CRYZL1: variants seen among roughly 807,000 people sequenced by gnomAD.
CRYZL1 encodes the protein crystallin zeta like 1, also known as ferry endosomal RAB5 effector complex subunit 4.
A neutral mutation model predicts 50.6 loss-of-function variants in CRYZL1; 34 were observed. The ratio of observed to expected loss-of-function variants is 0.67; its 90% confidence interval spans 0.51 to 0.89. The LOEUF is 0.89. Ranked by LOEUF, CRYZL1 falls within the 40% of genes least tolerant of loss-of-function variation. CRYZL1 has a pLI of 0.00. For missense variants in CRYZL1, 354 were observed against 402.3 expected, an observed-to-expected ratio of 0.88 and a Z score of 1.03; for synonymous variants, 125 against 134.3, an observed-to-expected ratio of 0.93 and a Z score of 0.48.
chr21:33,630,105 A>G (rs1053451571), intron 2 of CRYZL1, among the ~76,000 whole-genome samples: 4 of 152,194 alleles, frequency 2.6e-5, no homozygotes, highest in Admixed American at 6.6e-5. Flanking sequence ...GCCGTCAGGG[A>G]AATAGATATC....
intron 6 of CRYZL1, among the ~76,000 whole-genome samples, chr21:33,611,066 C>T (rs2086868502): frequency 6.6e-6 from 1 of 152,068 alleles, no homozygotes; most frequent in Non-Finnish European, 1.5e-5. Flanking sequence ...TCTTCTATAG[C>T]AATTTAGTTT....
At chr21:33,628,845 G>A (rs189461313) in intron 2 of CRYZL1, among the ~76,000 whole-genome samples, 1 of 152,082 alleles carries the variant, frequency 6.6e-6, no homozygotes, top group Non-Finnish European at 1.5e-5. Flanking sequence ...CTGGGCTCAA[G>A]TGATCTTCCA....
chr21:33,609,983 C>T (rs1355506974), intron 6 of CRYZL1, among the ~76,000 whole-genome samples: 2 of 150,572 alleles, frequency 1.3e-5, no homozygotes, highest in Non-Finnish European at 3.0e-5. Flanking sequence ...GGATTACAGG[C>T]GTGAGCCACC....
chr21:33,633,510 G>A (rs1389821495), intron 1 of CRYZL1: 3 of 152,372 alleles, frequency 2.0e-5, no homozygotes, highest in Non-Finnish European at 4.4e-5. Flanking sequence ...CATCTCCCAG[G>A]TTCAAGCGAT....
intron 9 of CRYZL1, among the ~76,000 whole-genome samples, chr21:33,598,156 T>C (rs1019871293): frequency 6.6e-6 from 1 of 152,202 alleles, no homozygotes; most frequent in Admixed American, 6.5e-5. Flanking sequence ...TTAACACTGA[T>C]AGCTTAATAT....
chr21:33,602,411 T>C, intron 7 of CRYZL1, 66 bp from the exon 8 acceptor site: 2 of 607,794 alleles, frequency 3.3e-6, no homozygotes, highest in Non-Finnish European at 5.8e-6. Flanking sequence ...AATTGATTTC[T>C]TTATATTATT....
intron 6 of CRYZL1, among the ~76,000 whole-genome samples, chr21:33,611,679 T>C (rs1308166927): frequency 6.6e-6 from 1 of 152,224 alleles, no homozygotes; most frequent in African/African-American, 2.4e-5. Context: ...TTTGCTACTA[T>C]GGATATGGTA....
At chr21:33,610,923 G>GA (rs1828832636) in intron 6 of CRYZL1, among the ~76,000 whole-genome samples, 1 of 149,978 alleles carries the variant, frequency 6.7e-6, no homozygotes, top group Admixed American at 6.7e-5. Flanking sequence ...GTAGAGACGG[G>GA]TTTCACCATG....
intron 4 of CRYZL1, among the ~76,000 whole-genome samples, chr21:33,618,473 G>T (rs1032976444): frequency 3.3e-5 from 5 of 152,028 alleles, no homozygotes; most frequent in African/African-American, 1.2e-4. Flanking sequence ...GTGTGTTTAT[G>T]CATTTAAACT....
intron 6 of CRYZL1, among the ~76,000 whole-genome samples, chr21:33,604,513 A>G (rs2086790975): frequency 6.8e-6 from 1 of 146,208 alleles, no homozygotes; most frequent in Non-Finnish European, 1.5e-5. Flanking sequence ...TGGGTGACAG[A>G]GCAAGACTCC....
intron 4 of CRYZL1, among the ~76,000 whole-genome samples, chr21:33,618,660 T>G (rs1445988658): frequency 6.6e-6 from 1 of 152,122 alleles, no homozygotes; most frequent in Non-Finnish European, 1.5e-5. Flanking sequence ...CGAAGCCTGG[T>G]ATTTCTACTT....
intron 1 of CRYZL1, among the ~76,000 whole-genome samples, chr21:33,632,598 G>A (rs1427580141): frequency 1.3e-5 from 2 of 151,872 alleles, no homozygotes; most frequent in Admixed American, 6.6e-5. Flanking sequence ...GGCTGGTCTC[G>A]AACTCCTGAT....
At chr21:33,613,482 CAT>C in intron 6 of CRYZL1, 54 bp downstream of exon 6, 1 of 1,131,396 alleles carries the variant, frequency 8.8e-7, no homozygotes, top group Non-Finnish European at 1.3e-6. Context: ...GTTATTAAAC[CAT>C]ATGTCAGTGA....
At chr21:33,605,399 C>A (rs2086799334) in intron 6 of CRYZL1, among the ~76,000 whole-genome samples, 1 of 152,010 alleles carries the variant, frequency 6.6e-6, no homozygotes, top group African/African-American at 2.4e-5. Context: ...GAACCAAATG[C>A]AACTCCTAAT....
At chr21:33,596,872 T>C (rs563876604) in intron 10 of CRYZL1, among the ~76,000 whole-genome samples, 1 of 151,424 alleles carries the variant, frequency 6.6e-6, no homozygotes, top group Admixed American at 6.6e-5. Context: ...TTTTTCTTTT[T>C]TTTTTTTTGA....
At chr21:33,607,556 C>T (rs2086826492) in intron 6 of CRYZL1, among the ~76,000 whole-genome samples, 1 of 152,084 alleles carries the variant, frequency 6.6e-6, no homozygotes, top group African/African-American at 2.4e-5. Context: ...CTCTTGAACC[C>T]AGGAGTTTGA....
At chr21:33,613,824 C>T (rs1451212940) in intron 5 of CRYZL1, among the ~76,000 whole-genome samples, 1 of 152,174 alleles carries the variant, frequency 6.6e-6, no homozygotes, top group Non-Finnish European at 1.5e-5. Flanking sequence ...AAGATGATGG[C>T]TGATGTTATA....
rs536037849 is a variant in CRYZL1 at position 33,609,254 on chromosome 21, T to C, written c.331+4284A>G. Among the ~76,000 whole-genome samples, 13 of 152,310 alleles carry C rather than the reference T, an allele frequency of 8.5e-5. No homozygotes were observed. In the South Asian group the frequency reaches 1.9e-3, roughly 22 times the overall value. On this transcript the variant is annotated intron_variant, in intron 6 of 12. Coordinates refer to ENST00000381554, the MANE Select transcript of CRYZL1 (RefSeq NM_145858.3). ...ATCAGATGTACGGCTTATCAACATT[T>C]TCCCCCAGTCTGTAGGCTGTCTCTG...
At position 33,616,748 on chromosome 21, in the gene CRYZL1, C is replaced by T; in HGVS notation, c.220G>A (p.Gly74Arg). 2 of 1,602,436 alleles carry T rather than the reference C, an allele frequency of 1.2e-6. No homozygotes were observed. The highest frequency in any genetic ancestry group is 1.7e-6 in the Non-Finnish European group (2 of 1,173,602). ...GGTTGAAAGAATGATACCTTGCTTC[C>T]AACTAAAGAGTGAAGAAAATTAATA... is the stretch of plus-strand genomic sequence containing the variant. Reference protein sequence around the residue: ...REIAGIVLDVGSKVSFFQPDD... With the variant: ...REIAGIVLDVRSKVSFFQPDD... The change falls in exon 5 of 13, where the codon GGA becomes AGA. Residue 74 changes from glycine to arginine, a missense_variant and splice_region_variant. By Grantham distance (125) the Gly-to-Arg change is moderately radical. Coordinates refer to ENST00000381554, the MANE Select transcript of CRYZL1 (RefSeq NM_145858.3).
Sources: gnomAD v4.1 joint callset for allele counts (sites outside exome capture counted in the v4.1 genomes callset) on GRCh38, gnomAD v4.1.1 for gene constraint, MANE v1.5 for transcripts, NCBI Gene and HGNC (gene_info 2026-07-23, HGNC 2026-07-21) for gene names.